The following SSH2 variants were observed in gnomAD, a reference collection of about 807,000 sequenced individuals.
SSH2 encodes the protein slingshot protein phosphatase 2.
A neutral mutation model predicts 135.2 loss-of-function variants in SSH2; 37 were observed. The ratio of observed to expected loss-of-function variants is 0.27; its 90% CI spans 0.21 to 0.36. SSH2 has a LOEUF of 0.36. Among genes scored for constraint, SSH2 ranks in the 10% least tolerant of loss-of-function variants. The pLI, the probability that SSH2 is intolerant of heterozygous loss-of-function variation, is 1.00. For missense variants in SSH2, 1,408 were observed against 1,765.3 expected (o/e 0.80, Z 3.63); for synonymous variants, 628 against 646.2 (o/e 0.97, Z 0.43).
intron 2 of SSH2, among the ~76,000 whole-genome samples, chr17:29,797,917 T>C (rs2042185541): frequency 6.6e-6 from 1 of 152,080 alleles, no homozygotes; most frequent in South Asian, 2.1e-4. Context: ...ATTATATGAA[T>C]ATTCTTTTGT....
At chr17:29,812,619 G>A (rs899756281) in intron 2 of SSH2, among the ~76,000 whole-genome samples, 2 of 152,144 alleles carry the variant, frequency 1.3e-5, no homozygotes, top group South Asian at 2.1e-4. Flanking sequence ...AGCCGGGCGC[G>A]ATGGCTCATG....
At chr17:29,855,124 CCT>C (rs2065638726) in intron 1 of SSH2, among the ~76,000 whole-genome samples, 1 of 152,070 alleles carries the variant, frequency 6.6e-6, no homozygotes, top group Non-Finnish European at 1.5e-5. Flanking sequence ...TTCATCCTCT[CCT>C]CTTTTTTTTT....
rs1048920869 is a variant in SSH2 at position 29,850,922 on chromosome 17, T to A, written c.64-1993A>T. Among the ~76,000 whole-genome samples, 43 of 152,104 alleles carry A rather than the reference T, an allele frequency of 2.8e-4. 1 individual carries two copies. The highest frequency in any genetic ancestry group is 9.2e-4 in the African/African-American group (38 of 41,488). On this transcript the variant is annotated intron_variant, in intron 1 of 15. Transcript: ENST00000540801. ...ATGGCGTGAACCTGGGAGGTGGAGG[T>A]TGCAGTGAGCCGAGATCGCGCCACT...
chr17:29,891,583 CATAGTA>C (rs1567635065), intron 1 of SSH2, among the ~76,000 whole-genome samples: 1 of 150,584 alleles, frequency 6.6e-6, no homozygotes, highest in African/African-American at 2.4e-5. Flanking sequence ...AATATTATGT[CATAGTA>C]ATAGAAAAAA....
rs983333152 is a variant in SSH2 at position 29,790,693 on chromosome 17, C to A, written c.188+3201G>T. Among the ~76,000 whole-genome samples the A allele has an allele frequency of 2.6e-5, 4 of 151,560 alleles. No individual in the cohort carries two copies. The South Asian group carries it at 8.4e-4, about 32-fold the overall frequency. ...TGTAGTTATGGTTGTTATCTGTGAACAAAGCCATCATAGTTTGGTCTAATT... is the reference window on the plus strand; with the variant it reads ...TGTAGTTATGGTTGTTATCTGTGAAAAAAGCCATCATAGTTTGGTCTAATT... On this transcript the variant is annotated intron_variant, in intron 3 of 15. Transcript: ENST00000540801.
chr17:29,704,459 TG>T (rs1015994493), intron 3 of SSH2, among the ~76,000 whole-genome samples: 1 of 152,004 alleles, frequency 6.6e-6, no homozygotes, highest in African/African-American at 2.4e-5. Flanking sequence ...CCCAGTGCTT[TG>T]GGAGGCCAAG....
intron 6 of SSH2, among the ~76,000 whole-genome samples, chr17:29,679,495 C>T (rs535840138): frequency 6.6e-6 from 1 of 152,112 alleles, no homozygotes; most frequent in South Asian, 2.1e-4. Context: ...GCAACCTCCA[C>T]CTCCTGGTTC....
intron 3 of SSH2, among the ~76,000 whole-genome samples, chr17:29,750,810 T>C (rs1047505024): frequency 4.0e-5 from 6 of 149,688 alleles, no homozygotes; most frequent in Non-Finnish European, 7.4e-5. Flanking sequence ...GGTCAAGAGA[T>C]TGAGACCATC....
chr17:29,912,786 T>A (rs969280860), intron 1 of SSH2, among the ~76,000 whole-genome samples: 2 of 152,018 alleles, frequency 1.3e-5, no homozygotes, highest in African/African-American at 2.4e-5. Flanking sequence ...ATCTGCTAAT[T>A]ACTAATGTTT....
intron 3 of SSH2, among the ~76,000 whole-genome samples, chr17:29,729,475 G>A (rs1364559003): frequency 6.6e-6 from 1 of 152,186 alleles, no homozygotes; most frequent in East Asian, 1.9e-4. Flanking sequence ...ATGGAGAACA[G>A]TTTGGAAGTT....
Position 29,699,003 on chromosome 17 carries a change from G to A in SSH2, c.293-3480C>T, listed in dbSNP as rs191691134. Among the ~76,000 whole-genome samples, 399 of 152,272 alleles carry A rather than the reference G, an allele frequency of 2.6e-3. 1 individual carries two copies. Among genetic ancestry groups the A allele is most frequent in the Non-Finnish European group, 4.6e-3 (311 of 68,022 alleles). ...CCTACTCAAGTAAGCCTTCTTATGC[G>A]AGTTGGAAGCTCAGGTTTGTCAGCT... On this transcript the variant is annotated intron_variant, in intron 4 of 15. Transcript: ENST00000540801.
chr17:29,661,061 C>CA (rs374216221), intron 11 of SSH2, among the ~76,000 whole-genome samples: 3,392 of 47,920 alleles, frequency 0.071, 119 homozygotes, highest in African/African-American at 0.14. Flanking sequence ...AATTCCATCT[C>CA]AAAAAAAAAA....
At position 29,630,651 on chromosome 17, in the gene SSH2, A is replaced by C. The variant is rs1190674065; in HGVS notation, c.*190T>G. ...AATGATAAACGGTCTTGCCATCCAG[A>C]TCAATCTCTCTTTCCCCTTACATAT... On this transcript the variant is annotated 3_prime_UTR_variant, in exon 16 of 16. Transcript: ENST00000540801. 9.2e-6 allele frequency: 4 copies of C among 434,906 alleles called. No individual in the cohort carries two copies. Among genetic ancestry groups the C allele is most frequent in the Non-Finnish European group, 1.2e-5 (3 of 252,082 alleles). 26.9% of individuals were successfully genotyped at this position (434,906 alleles called of 1,614,324 possible).
At chr17:29,647,274 A>G (rs2036411557) in intron 14 of SSH2, among the ~76,000 whole-genome samples, 2 of 151,560 alleles carry the variant, frequency 1.3e-5, no homozygotes, top group South Asian at 4.2e-4. Flanking sequence ...AAAAAAAAAA[A>G]GAGTCGGCCA....
In SSH2 at chr17:29,695,266, T is replaced by C. The variant is rs1462416416; in HGVS notation, c.357+193A>G. On this transcript the variant is annotated intron_variant, in intron 5 of 15. Coordinates refer to ENST00000540801, the MANE Select transcript of SSH2 (RefSeq NM_001282129.2). The stretch of plus-strand genomic sequence containing the variant: ...ATTTTCTGAACTTCAATTGTAATTA[T>C]AGTTAATAACTTACAAATTGGTGCT... Among the ~76,000 whole-genome samples, 1 of 152,242 alleles carries C rather than the reference T, an allele frequency of 6.6e-6. No individual in the cohort carries two copies. Among genetic ancestry groups the C allele is most frequent in the African/African-American group, 2.4e-5 (1 of 41,462 alleles).
intron 15 of SSH2, among the ~76,000 whole-genome samples, chr17:29,635,436 G>A (rs545451881): frequency 6.6e-6 from 1 of 151,294 alleles, no homozygotes; most frequent in South Asian, 2.1e-4. Context: ...CAAGAGTCTT[G>A]CTCTGTCGCC....
intron 2 of SSH2, among the ~76,000 whole-genome samples, chr17:29,809,881 T>G (rs2042412003): frequency 6.6e-6 from 1 of 152,080 alleles, no homozygotes; most frequent in South Asian, 2.1e-4. Context: ...GATTGGAACT[T>G]AGGTGTCCCT....
chr17:29,699,007 T>G (rs1299294292), intron 4 of SSH2, among the ~76,000 whole-genome samples: 1 of 152,214 alleles, frequency 6.6e-6, no homozygotes, highest in East Asian at 1.9e-4. Flanking sequence ...TTATGCGAGT[T>G]GGAAGCTCAG....
chr17:29,819,989 T>A (rs2042625227), intron 2 of SSH2, among the ~76,000 whole-genome samples: 1 of 152,174 alleles, frequency 6.6e-6, no homozygotes, highest in Admixed American at 6.5e-5. Context: ...TAAGAAATAT[T>A]TAAAAACATT....
Sources: allele counts gnomAD v4.1 joint callset (sites outside exome capture counted in the v4.1 genomes callset), GRCh38; gene constraint gnomAD v4.1.1; transcripts MANE v1.5; gene names NCBI Gene and HGNC (gene_info 2026-07-23, HGNC 2026-07-21).